CSGALNACT1: variants seen among roughly 807,000 people sequenced by gnomAD.
CSGALNACT1 encodes chondroitin sulfate N-acetylgalactosaminyltransferase 1.
In CSGALNACT1, 52 loss-of-function variants were observed where a neutral mutation model predicts 51.0. The observed-to-expected ratio is 1.02, with a 90% CI of 0.82 to 1.29. The LOEUF (loss-of-function observed/expected upper bound fraction) is 1.29, where lower values mean the gene tolerates loss of function less well. CSGALNACT1 is among the 50% of genes most tolerant of loss of function. The pLI, the probability that CSGALNACT1 is intolerant of heterozygous loss-of-function variation, is 0.00. For missense variants in CSGALNACT1, 935 were observed against 679.2 expected (o/e 1.38, Z -4.19); for synonymous variants, 341 against 254.4 (o/e 1.34, Z -3.24).
intron 6 of CSGALNACT1, among the ~76,000 whole-genome samples, chr8:19,422,877 C>G (rs866742034): frequency 1.3e-5 from 2 of 152,336 alleles, no homozygotes; most frequent in African/African-American, 2.4e-5. Context: ...GCACCTGATC[C>G]TGGAGTCCAT....
intron 3 of CSGALNACT1, among the ~76,000 whole-genome samples, chr8:19,530,433 A>G (rs995599460): frequency 6.6e-6 from 1 of 152,200 alleles, no homozygotes; most frequent in African/African-American, 2.4e-5. Flanking sequence ...CTTCATTAAC[A>G]TAGATGAGTA....
intron 8 of CSGALNACT1, among the ~76,000 whole-genome samples, chr8:19,411,421 G>A (rs2055704763): frequency 6.6e-6 from 1 of 152,206 alleles, no homozygotes; most frequent in African/African-American, 2.4e-5. Flanking sequence ...CCAGCACACA[G>A]CAGGTACTCA....
intron 1 of CSGALNACT1, among the ~76,000 whole-genome samples, chr8:19,674,242 A>C (rs1002597499): frequency 9.2e-5 from 14 of 152,168 alleles, no homozygotes; most frequent in Non-Finnish European, 1.9e-4. Context: ...GCAGTGAGCT[A>C]AGACAGTGCC....
At chr8:19,594,530 C>T (rs1281656007) in intron 2 of CSGALNACT1, among the ~76,000 whole-genome samples, 1 of 152,102 alleles carries the variant, frequency 6.6e-6, no homozygotes, top group Non-Finnish European at 1.5e-5. Flanking sequence ...ATGCAATTAG[C>T]TAGTCCACAC....
chr8:19,584,238 C>G (rs2046180145), intron 3 of CSGALNACT1, among the ~76,000 whole-genome samples: 1 of 152,170 alleles, frequency 6.6e-6, no homozygotes, highest in Non-Finnish European at 1.5e-5. Context: ...TTTGAGAAAT[C>G]TTGTGATCCC....
At chr8:19,475,859 G>C (rs2069470853) in intron 4 of CSGALNACT1, among the ~76,000 whole-genome samples, 2 of 152,196 alleles carry the variant, frequency 1.3e-5, no homozygotes, top group Non-Finnish European at 2.9e-5. Flanking sequence ...GTGAGAAAGA[G>C]AGAACTGAAT....
chr8:19,748,860 GA>G (rs886479454), intron 1 of CSGALNACT1, among the ~76,000 whole-genome samples: 2 of 151,960 alleles, frequency 1.3e-5, no homozygotes, highest in Non-Finnish European at 2.9e-5. Flanking sequence ...AGCTACTTGG[GA>G]GACTGAGGCA....
Position 19,563,536 on chromosome 8 carries a change from T to C in CSGALNACT1, c.-297+27624A>G, listed in dbSNP as rs529958699. 8.5e-5 allele frequency among the ~76,000 whole-genome samples: 13 copies of C among 152,256 alleles called. No individual in the cohort carries two copies. In the South Asian group the frequency reaches 1.2e-3, roughly 15 times the overall value. On this transcript the variant is annotated intron_variant, in intron 3 of 9. Coordinates refer to ENST00000454498, the Ensembl canonical transcript of CSGALNACT1. ...CTCCCACTCTATCAGTGCCCACCCATTGCCTCCACATCTGTGTCAAAAGAA... is the reference window on the plus strand; with the variant it reads ...CTCCCACTCTATCAGTGCCCACCCACTGCCTCCACATCTGTGTCAAAAGAA...
chr8:19,459,538 T>C lies in CSGALNACT1; in HGVS notation c.635-896A>G, dbSNP rs189148494. 5.3e-3 allele frequency among the ~76,000 whole-genome samples: 813 copies of C among 152,086 alleles called. 5 individuals are homozygous for C. Among genetic ancestry groups the C allele is most frequent in the Non-Finnish European group, 8.7e-3 (593 of 67,990 alleles). ...CTTCTAGAAGCATTAAAATAACACA[T>C]AAAATATTCAGTACAGTGGTATCAA... On this transcript the variant is annotated intron_variant, in intron 4 of 9. Coordinates refer to ENST00000454498, the Ensembl canonical transcript of CSGALNACT1.
At chr8:19,639,176 A>G (rs1351583204) in intron 1 of CSGALNACT1, among the ~76,000 whole-genome samples, 1 of 152,180 alleles carries the variant, frequency 6.6e-6, no homozygotes, top group East Asian at 1.9e-4. Flanking sequence ...TACTTAAATG[A>G]AATCTCATTT....
intron 4 of CSGALNACT1, among the ~76,000 whole-genome samples, chr8:19,481,659 G>A (rs149504589): frequency 2.6e-4 from 40 of 152,182 alleles, no homozygotes; most frequent in Admixed American, 5.9e-4. Flanking sequence ...TAATCAAAAT[G>A]ACATCATAGT....
intron 8 of CSGALNACT1, among the ~76,000 whole-genome samples, chr8:19,410,904 C>G (rs1323687894): frequency 6.6e-6 from 1 of 152,194 alleles, no homozygotes; most frequent in South Asian, 2.1e-4. Context: ...TGTGCTGGGT[C>G]GCTAACTGGA....
At chr8:19,585,139 C>T (rs942351568) in intron 3 of CSGALNACT1, 13 of 152,194 alleles carry the variant, frequency 8.5e-5, no homozygotes, top group African/African-American at 3.1e-4. Flanking sequence ...TTACATAGTG[C>T]TTGAACACTC....
At chr8:19,547,660 G>A (rs1445736308) in intron 3 of CSGALNACT1, among the ~76,000 whole-genome samples, 1 of 152,018 alleles carries the variant, frequency 6.6e-6, no homozygotes, top group Non-Finnish European at 1.5e-5. Flanking sequence ...CCCAGTCTCG[G>A]GTATATCTTT....
At chr8:19,516,063 C>T (rs1243933878) in intron 3 of CSGALNACT1, among the ~76,000 whole-genome samples, 1 of 152,150 alleles carries the variant, frequency 6.6e-6, no homozygotes, top group African/African-American at 2.4e-5. Flanking sequence ...CTCTTGGTGC[C>T]GGTTCTCACC....
At chr8:19,694,996 C>T (rs1304078243) in intron 1 of CSGALNACT1, among the ~76,000 whole-genome samples, 1 of 152,160 alleles carries the variant, frequency 6.6e-6, no homozygotes, top group Non-Finnish European at 1.5e-5. Context: ...GCTGAGGGGT[C>T]ATGAGGCAGC....
chr8:19,751,666 C>T (rs2065035065), intron 1 of CSGALNACT1, among the ~76,000 whole-genome samples: 1 of 152,090 alleles, frequency 6.6e-6, no homozygotes, highest in Non-Finnish European at 1.5e-5. Context: ...GAAGGAGGGG[C>T]CTTGTGGGAG....
At chr8:19,549,448 A>C (rs1003311546) in intron 3 of CSGALNACT1, among the ~76,000 whole-genome samples, 1 of 152,040 alleles carries the variant, frequency 6.6e-6, no homozygotes, top group African/African-American at 2.4e-5. Flanking sequence ...TCTAACACAG[A>C]ACTAGAAAAC....
chr8:19,498,462 A>T (rs2075853878), intron 4 of CSGALNACT1, among the ~76,000 whole-genome samples: 1 of 152,182 alleles, frequency 6.6e-6, no homozygotes, highest in African/African-American at 2.4e-5. Flanking sequence ...GGGAGGCACC[A>T]TTCATGTGCA....
Sources: allele counts gnomAD v4.1 joint callset (sites outside exome capture counted in the v4.1 genomes callset), GRCh38; gene constraint gnomAD v4.1.1; transcripts MANE v1.5; gene names NCBI Gene and HGNC (gene_info 2026-07-23, HGNC 2026-07-21).